TYW1: variants seen among roughly 807,000 people sequenced by gnomAD.
TYW1 encodes tRNA-yW synthesizing protein 1 homolog.
Under a neutral mutation model 96.2 loss-of-function variants are expected in TYW1, and 46 were observed. That is an observed-to-expected ratio of 0.48 (90% CI 0.38 to 0.61). TYW1 has a LOEUF of 0.61. Among genes scored for constraint, TYW1 ranks in the 20% least tolerant of loss-of-function variants. The pLI is 0.00. For missense variants in TYW1, 684 were observed against 909.6 expected (o/e 0.75, Z 3.19); for synonymous variants, 274 against 323.0 (o/e 0.85, Z 1.63).
chr7:67,109,686 G>C (rs1797343893), intron 12 of TYW1, among the ~76,000 whole-genome samples: 1 of 152,086 alleles, frequency 6.6e-6, no homozygotes, highest in Non-Finnish European at 1.5e-5. Context: ...TTCAAGACCA[G>C]CTTGACCTAC....
chr7:67,046,850 A>G (rs1313741930), intron 7 of TYW1, among the ~76,000 whole-genome samples: 1 of 152,118 alleles, frequency 6.6e-6, no homozygotes, highest in African/African-American at 2.4e-5. Context: ...GGGTTGCAAC[A>G]CTCACATTTT....
At chr7:67,028,006 G>C (rs1794513055) in intron 7 of TYW1, among the ~76,000 whole-genome samples, 1 of 151,232 alleles carries the variant, frequency 6.6e-6, no homozygotes, top group African/African-American at 2.4e-5. Context: ...AGGCCGAGGT[G>C]GGTGGATTGC....
Position 66,998,160 on chromosome 7 carries a change from C to G in TYW1, c.100C>G (p.Leu34Val), listed in dbSNP as rs143503747. ...TTTGGGCTTTGCTGTTAGCATTAGCCTTTGGATTTGTGTCCAGATTGTCAT... is the reference window on the plus strand; with the variant it reads ...TTTGGGCTTTGCTGTTAGCATTAGCGTTTGGATTTGTGTCCAGATTGTCAT... ...IYLGFAVSISLWICVQIVIKT... is the reference protein window; with the variant it reads ...IYLGFAVSISVWICVQIVIKT... Residue 34 changes from leucine to valine, a missense_variant, in exon 2 of 16, where the codon CTT (leucine) becomes GTT (valine). Leu to Val is a conservative substitution (Grantham distance 32). Coordinates refer to ENST00000359626, the MANE Select transcript of TYW1 (RefSeq NM_018264.4). The G allele has an allele frequency of 3.1e-6, 5 of 1,609,798 alleles. No individual in the cohort carries two copies. In the African/African-American group the frequency reaches 6.7e-5, roughly 22 times the overall value.
chr7:67,192,466 A>G (rs1206387524), intron 14 of TYW1, among the ~76,000 whole-genome samples: 1 of 152,242 alleles, frequency 6.6e-6, no homozygotes. Flanking sequence ...AAATATTAAA[A>G]AGAAAGTCCT....
intron 11 of TYW1, among the ~76,000 whole-genome samples, chr7:67,095,162 C>A (rs1796856320): frequency 1.3e-5 from 2 of 152,014 alleles, no homozygotes; most frequent in African/African-American, 4.8e-5. Context: ...CCACGCCTGG[C>A]TAATTTTTGT....
chr7:67,083,456 A>C lies in TYW1; in HGVS notation c.1301A>C (p.Glu434Ala). The change falls in exon 11 of 16, where the codon GAG (glutamate) becomes GCG (alanine). Residue 434 changes from glutamate (E) to alanine (A), a missense_variant. Glu to Ala is a moderately radical substitution (Grantham distance 107, BLOSUM62 -1). Transcript: ENST00000359626. The part of the protein sequence containing the change: ...WRHHTNPVGT[E>A]WRWKMDQPEM... ...CACCACACCAACCCCGTGGGCACTGAGTGGCGGTGGAAGATGGACCAGCCT... is the reference window on the plus strand; with the variant it reads ...CACCACACCAACCCCGTGGGCACTGCGTGGCGGTGGAAGATGGACCAGCCT... 6.2e-7 allele frequency: 1 copy of C among 1,614,204 alleles called. No individual in the cohort carries two copies.
chr7:67,119,628 A>C (rs940964078), intron 13 of TYW1, among the ~76,000 whole-genome samples: 10 of 152,124 alleles, frequency 6.6e-5, no homozygotes, highest in African/African-American at 2.4e-4. Flanking sequence ...TTCTGATTAC[A>C]ATTAGCTGCC....
intron 13 of TYW1, among the ~76,000 whole-genome samples, chr7:67,138,671 C>T (rs1798349146): frequency 6.6e-6 from 1 of 152,100 alleles, no homozygotes; most frequent in African/African-American, 2.4e-5. Flanking sequence ...TACTGTCTGT[C>T]TCCATGAGTT....
intron 13 of TYW1, among the ~76,000 whole-genome samples, chr7:67,142,475 C>G (rs1258116475): frequency 1.3e-5 from 2 of 151,994 alleles, no homozygotes; most frequent in African/African-American, 2.4e-5. Context: ...GTCACCCAGT[C>G]TGGAGTGCAG....
intron 15 of TYW1, among the ~76,000 whole-genome samples, chr7:67,203,371 T>C (rs1800665720): frequency 6.6e-6 from 1 of 152,254 alleles, no homozygotes; most frequent in African/African-American, 2.4e-5. Flanking sequence ...CATACTTTTT[T>C]AGTCTTCTAT....
chr7:67,141,912 G>A (rs1398202682), intron 13 of TYW1, among the ~76,000 whole-genome samples: 1 of 152,176 alleles, frequency 6.6e-6, no homozygotes, highest in Non-Finnish European at 1.5e-5. Context: ...GTAGGCGCCT[G>A]TAATCCCAGC....
At chr7:67,235,291 T>C (rs536997033) in intron 15 of TYW1, among the ~76,000 whole-genome samples, 22 of 152,326 alleles carry the variant, frequency 1.4e-4, no homozygotes, top group South Asian at 8.3e-4. Context: ...TGCTATGTTG[T>C]ATTATAATTA....
At chr7:67,054,775 A>G (rs921449127) in intron 8 of TYW1, among the ~76,000 whole-genome samples, 1 of 152,214 alleles carries the variant, frequency 6.6e-6, no homozygotes, top group African/African-American at 2.4e-5. Context: ...CTCATGAGAA[A>G]CGGTATTGAA....
At chr7:67,012,005 A>G (rs1287812732) in intron 4 of TYW1, among the ~76,000 whole-genome samples, 1 of 151,988 alleles carries the variant, frequency 6.6e-6, no homozygotes, top group African/African-American at 2.4e-5. Context: ...AAACAGCCAT[A>G]GATAATATGT....
chr7:67,159,823 CAG>C (rs1378360861), intron 13 of TYW1, among the ~76,000 whole-genome samples: 5 of 137,626 alleles, frequency 3.6e-5, no homozygotes, highest in African/African-American at 1.1e-4. Flanking sequence ...TTTTTTGAGA[CAG>C]AGTCTTGCTC....
intron 5 of TYW1, among the ~76,000 whole-genome samples, chr7:67,016,875 C>T (rs1232817519): frequency 2.6e-5 from 4 of 151,858 alleles, no homozygotes; most frequent in African/African-American, 9.7e-5. Flanking sequence ...TCTTCTCACC[C>T]CGGTCTCCCA....
intron 11 of TYW1, among the ~76,000 whole-genome samples, chr7:67,088,825 C>T (rs1337361981): frequency 6.6e-6 from 1 of 152,206 alleles, no homozygotes; most frequent in Non-Finnish European, 1.5e-5. Flanking sequence ...CAGTCTCAGT[C>T]TCCCAAAGTG....
chr7:67,113,462 T>G (rs1797489455), intron 12 of TYW1, among the ~76,000 whole-genome samples: 1 of 152,194 alleles, frequency 6.6e-6, no homozygotes, highest in Non-Finnish European at 1.5e-5. Context: ...TTCTCTTGGA[T>G]TTTTCATTTA....
intron 15 of TYW1, among the ~76,000 whole-genome samples, chr7:67,210,775 C>T (rs1386143866): frequency 1.3e-5 from 2 of 151,264 alleles, no homozygotes; most frequent in Non-Finnish European, 2.9e-5. Flanking sequence ...TCCATCCATC[C>T]ATCCATCCGT....
Sources: allele counts gnomAD v4.1 joint callset (sites outside exome capture counted in the v4.1 genomes callset), GRCh38; gene constraint gnomAD v4.1.1; transcripts MANE v1.5; gene names NCBI Gene and HGNC (gene_info 2026-07-23, HGNC 2026-07-21).